USP47: variants seen among roughly 807,000 people sequenced by gnomAD.
USP47 encodes ubiquitin carboxyl-terminal hydrolase 47.
Under a neutral mutation model 165.1 loss-of-function variants are expected in USP47, and 35 were observed. The ratio of observed to expected loss-of-function variants is 0.21; its 90% CI spans 0.16 to 0.28. USP47 has a LOEUF of 0.28. Ranked by LOEUF, USP47 falls within the 10% of genes least tolerant of loss-of-function variation. USP47 has a pLI of 1.00. For synonymous variants in USP47, 531 were observed against 544.5 expected, an observed-to-expected ratio of 0.98 and a Z score of 0.35; for missense variants, 1,277 against 1,607.4, an observed-to-expected ratio of 0.79 and a Z score of 3.52.
At chr11:11,950,102 T>A in intron 23 of USP47, 98 bp downstream of exon 23, 1 of 905,378 alleles carries the variant, frequency 1.1e-6, no homozygotes, top group Non-Finnish European at 1.7e-6. Context: ...AATTAAAATT[T>A]CCTGTGCTAT....
At chr11:11,846,751 T>C (rs1315971489) in intron 1 of USP47, among the ~76,000 whole-genome samples, 1 of 152,190 alleles carries the variant, frequency 6.6e-6, no homozygotes, top group Non-Finnish European at 1.5e-5. Context: ...TGACTTCTTA[T>C]AAAATCCATT....
chr11:11,866,813 A>T (rs541923999), intron 1 of USP47, among the ~76,000 whole-genome samples: 1 of 151,930 alleles, frequency 6.6e-6, no homozygotes, highest in South Asian at 2.1e-4. Context: ...ACTTTTTCCT[A>T]TTGACAAATT....
chr11:11,842,036 G>A lies in USP47; in HGVS notation c.-150G>A, dbSNP rs925268265. On this transcript the variant is annotated 5_prime_UTR_variant, in exon 1 of 28. In the 5' UTR this introduces an upstream ATG that the reference lacks. Transcript: ENST00000527733. ...GCCCTGGGTCGGTGTCTGCGCGCTGGTGTCTGAGGCCCAGGCTGAGGCCTC... is the reference window on the plus strand; with the variant it reads ...GCCCTGGGTCGGTGTCTGCGCGCTGATGTCTGAGGCCCAGGCTGAGGCCTC... 1.1e-6 allele frequency: 1 copy of A among 930,726 alleles called. No homozygotes were observed. Among genetic ancestry groups the A allele is most frequent in the Non-Finnish European group, 1.6e-6 (1 of 637,756 alleles). The allele number at this position is 930,726 out of a possible 1,614,324, so 57.7% of individuals were successfully genotyped here. A position where few individuals can be genotyped will look rare whatever the true frequency, so the allele number is the denominator to read the frequency against.
intron 1 of USP47, among the ~76,000 whole-genome samples, chr11:11,869,638 G>A (rs59096512): frequency 0.035 from 5,303 of 152,184 alleles, 303 homozygotes; most frequent in African/African-American, 0.12. Flanking sequence ...AAAAAGTCTT[G>A]CTGGGATTTT....
At chr11:11,858,841 A>G (rs1849212362) in intron 1 of USP47, among the ~76,000 whole-genome samples, 1 of 152,216 alleles carries the variant, frequency 6.6e-6, no homozygotes, top group Non-Finnish European at 1.5e-5. Context: ...TTCTGAATAA[A>G]GCTACTATAA....
intron 1 of USP47, among the ~76,000 whole-genome samples, chr11:11,857,831 C>T (rs1849140456): frequency 6.6e-6 from 1 of 152,200 alleles, no homozygotes; most frequent in Admixed American, 6.5e-5. Context: ...TTCGCTTCAG[C>T]CTCTGGTTGG....
At chr11:11,929,987 A>C in intron 12 of USP47, 57 bp from the exon 13 acceptor site, 1 of 1,325,400 alleles carries the variant, frequency 7.5e-7, no homozygotes, top group Non-Finnish European at 1.1e-6. Context: ...TTACATATTG[A>C]CGTTAATGTG....
At chr11:11,847,443 T>G (rs1848490988) in intron 1 of USP47, among the ~76,000 whole-genome samples, 1 of 152,150 alleles carries the variant, frequency 6.6e-6, no homozygotes, top group Admixed American at 6.5e-5. Flanking sequence ...TCCACTGTTC[T>G]GGATATCTGT....
Position 11,942,744 on chromosome 11 carries a change from A to G in USP47, c.2723A>G (p.Gln908Arg). 2 of 1,613,656 alleles carry G rather than the reference A, an allele frequency of 1.2e-6. No individual in the cohort carries two copies. Among genetic ancestry groups the G allele is most frequent in the Non-Finnish European group, 8.5e-7 (1 of 1,179,738 alleles). Residue 908 changes from glutamine (Q) to arginine (R), a missense_variant, in exon 20 of 28, where the codon CAG becomes CGG. Gln to Arg is a conservative substitution (Grantham distance 43). Transcript: ENST00000527733. Reference sequence around the variant, plus strand: ...TCAGTGGATAATAGAGAACTTGAACAGCATATTCAGACTTCTGATCCAGAA... The same window carrying G: ...TCAGTGGATAATAGAGAACTTGAACGGCATATTCAGACTTCTGATCCAGAA... Reference protein sequence around the residue: ...SASVDNRELEQHIQTSDPENF... With the variant: ...SASVDNRELERHIQTSDPENF...
At chr11:11,945,121 GA>G (rs1855739269) in intron 20 of USP47, among the ~76,000 whole-genome samples, 2 of 152,178 alleles carry the variant, frequency 1.3e-5, no homozygotes, top group Non-Finnish European at 2.9e-5. Context: ...AGAAGCCATA[GA>G]AAAGGTCTTG....
intron 1 of USP47, among the ~76,000 whole-genome samples, chr11:11,853,397 A>C (rs1848836245): frequency 6.6e-6 from 1 of 152,224 alleles, no homozygotes; most frequent in Non-Finnish European, 1.5e-5. Context: ...TCTAACATAC[A>C]GACATTCTCC....
intron 8 of USP47, among the ~76,000 whole-genome samples, chr11:11,917,575 T>G (rs927528610): frequency 1.6e-5 from 2 of 126,106 alleles, no homozygotes; most frequent in African/African-American, 6.1e-5. Flanking sequence ...CAGACTGTTG[T>G]GTGGGTGGGG....
intron 1 of USP47, among the ~76,000 whole-genome samples, chr11:11,863,721 A>G (rs1849508215): frequency 2.0e-5 from 3 of 152,152 alleles, no homozygotes; most frequent in Non-Finnish European, 2.9e-5. Context: ...CTATGTAACT[A>G]TCTTTTTAAT....
At chr11:11,903,134 A>T (rs1852334814) in intron 6 of USP47, 129 bp from the exon 7 acceptor site, 1 of 900,374 alleles carries the variant, frequency 1.1e-6, no homozygotes, top group South Asian at 2.3e-5. Flanking sequence ...GTATATTCTT[A>T]TGTTCTTTTT....
intron 8 of USP47, among the ~76,000 whole-genome samples, chr11:11,912,360 C>T (rs1853061288): frequency 6.6e-6 from 1 of 151,906 alleles, no homozygotes; most frequent in Non-Finnish European, 1.5e-5. Flanking sequence ...TTTCCAGTAT[C>T]AGGAATGAAA....
chr11:11,852,704 G>A (rs1426197683), intron 1 of USP47, among the ~76,000 whole-genome samples: 1 of 152,130 alleles, frequency 6.6e-6, no homozygotes, highest in African/African-American at 2.4e-5. Flanking sequence ...TTGTGTTTCT[G>A]TTTGTTTGGG....
intron 25 of USP47, among the ~76,000 whole-genome samples, chr11:11,954,277 A>G (rs566381491): frequency 7.9e-5 from 12 of 152,032 alleles, no homozygotes; most frequent in African/African-American, 2.9e-4. Flanking sequence ...TTATTTATGT[A>G]TTTATTTTTG....
chr11:11,862,469 A>G (rs947876612), intron 1 of USP47, among the ~76,000 whole-genome samples: 2 of 152,072 alleles, frequency 1.3e-5, no homozygotes, highest in African/African-American at 2.4e-5. Context: ...TTTCTGAAGT[A>G]TTAGTGTATT....
At position 11,953,692 on chromosome 11, in the gene USP47, A is replaced by G. The variant is rs575638448; in HGVS notation, c.3714+821A>G. 4.6e-5 allele frequency among the ~76,000 whole-genome samples: 7 copies of G among 152,340 alleles called. No homozygotes were observed. In the East Asian group the frequency reaches 1.2e-3, roughly 25 times the overall value. ...TACTACCTTAATAAGAAAAAGACGGAACAAATCTAATTTTAAGAAAGACAG... is the reference window on the plus strand; with the variant it reads ...TACTACCTTAATAAGAAAAAGACGGGACAAATCTAATTTTAAGAAAGACAG... On this transcript the variant is annotated intron_variant, in intron 25 of 27. Transcript: ENST00000527733.
Sources: gnomAD v4.1 joint callset for allele counts (sites outside exome capture counted in the v4.1 genomes callset) on GRCh38, gnomAD v4.1.1 for gene constraint, MANE v1.5 for transcripts, NCBI Gene and HGNC (gene_info 2026-07-23, HGNC 2026-07-21) for gene names.